Variants in WWC2 observed in about 807,000 individuals in gnomAD.
WWC2 encodes WW and C2 domain containing 2, also known as protein WWC2.
In WWC2, 101 loss-of-function variants were observed where a neutral mutation model predicts 138.5. That is an observed-to-expected ratio of 0.73 (90% CI 0.62 to 0.86). The LOEUF (loss-of-function observed/expected upper bound fraction) is 0.86, where lower values mean the gene tolerates loss of function less well. Ranked by LOEUF, WWC2 falls within the 40% of genes least tolerant of loss-of-function variation. WWC2 has a pLI of 0.00. For missense variants in WWC2, 1,420 were observed against 1,419.4 expected (o/e 1.00, Z -0.01); for synonymous variants, 558 against 538.4 (o/e 1.04, Z -0.50).
chr4:183,178,850 A>G (rs1734541090), intron 1 of WWC2, among the ~76,000 whole-genome samples: 1 of 152,248 alleles, frequency 6.6e-6, no homozygotes, highest in Non-Finnish European at 1.5e-5. Context: ...CAGGAGCTGC[A>G]TAGCAGGAAG....
At chr4:183,229,862 T>G (rs1019349577) in intron 4 of WWC2, among the ~76,000 whole-genome samples, 2 of 152,022 alleles carry the variant, frequency 1.3e-5, no homozygotes, top group East Asian at 3.9e-4. Context: ...GTCTCGCTCT[T>G]TCGCCAAGGC....
At chr4:183,105,238 A>G (rs1404489499) in intron 1 of WWC2, among the ~76,000 whole-genome samples, 4 of 152,230 alleles carry the variant, frequency 2.6e-5, no homozygotes, top group Non-Finnish European at 5.9e-5. Context: ...AGCTTCATCT[A>G]CATAGTCAGC....
intron 1 of WWC2, among the ~76,000 whole-genome samples, 154 bp from the exon 2 acceptor site, chr4:183,193,445 T>G (rs992408584): frequency 1.3e-5 from 2 of 152,190 alleles, no homozygotes; most frequent in Non-Finnish European, 2.9e-5. Context: ...CTTGTCCTAC[T>G]TTTTTGGATA....
intron 18 of WWC2, among the ~76,000 whole-genome samples, chr4:183,283,670 A>C (rs187451349): frequency 3.9e-5 from 6 of 152,236 alleles, no homozygotes; most frequent in Admixed American, 3.9e-4. Flanking sequence ...CTTAGGTTTT[A>C]TTTTTGTTAC....
intron 1 of WWC2, among the ~76,000 whole-genome samples, chr4:183,184,237 A>G (rs72701327): frequency 0.024 from 3,630 of 152,272 alleles, 70 homozygotes; most frequent in Non-Finnish European, 0.037. Context: ...CATATGTGAC[A>G]TTTTGTGCCT....
chr4:183,103,926 G>T (rs1227603456), intron 1 of WWC2, among the ~76,000 whole-genome samples: 2 of 152,028 alleles, frequency 1.3e-5, no homozygotes, highest in African/African-American at 4.8e-5. Context: ...GAGCCACCAC[G>T]CCCGGCCTGG....
chr4:183,276,159 G>A (rs1356599962), intron 16 of WWC2, among the ~76,000 whole-genome samples: 1 of 151,946 alleles, frequency 6.6e-6, no homozygotes. Flanking sequence ...GTTAGTGTTT[G>A]CATGATTTAT....
At chr4:183,123,470 G>A (rs1046099115) in intron 1 of WWC2, among the ~76,000 whole-genome samples, 1 of 148,582 alleles carries the variant, frequency 6.7e-6, no homozygotes, top group African/African-American at 2.5e-5. Flanking sequence ...CAAAACTAAG[G>A]CATATAGCAT....
chr4:183,162,558 C>G (rs1268321676), intron 1 of WWC2, among the ~76,000 whole-genome samples: 1 of 152,138 alleles, frequency 6.6e-6, no homozygotes, highest in Non-Finnish European at 1.5e-5. Flanking sequence ...AGTAGTATTC[C>G]CTTTACTCTT....
At chr4:183,197,461 A>C (rs1735175240) in intron 2 of WWC2, among the ~76,000 whole-genome samples, 1 of 152,248 alleles carries the variant, frequency 6.6e-6, no homozygotes, top group Non-Finnish European at 1.5e-5. Flanking sequence ...TGAAATAAGG[A>C]ATGTTTGGCT....
chr4:183,212,953 G>A (rs1735648229), intron 4 of WWC2, among the ~76,000 whole-genome samples: 2 of 152,036 alleles, frequency 1.3e-5, no homozygotes, highest in South Asian at 2.1e-4. Context: ...AAGATGAGTC[G>A]GAGAGAGACG....
chr4:183,103,205 G>A (rs934994225), intron 1 of WWC2, among the ~76,000 whole-genome samples: 4 of 151,946 alleles, frequency 2.6e-5, no homozygotes, highest in Non-Finnish European at 4.4e-5. Context: ...ATAATCTTGG[G>A]GGGTGGGGAG....
chr4:183,197,796 C>T (rs1278006077), intron 2 of WWC2, among the ~76,000 whole-genome samples: 5 of 152,000 alleles, frequency 3.3e-5, no homozygotes, highest in Non-Finnish European at 7.4e-5. Context: ...TGATTTTAAG[C>T]GTGTATTTTG....
At chr4:183,211,701 G>A (rs1735603141) in intron 4 of WWC2, among the ~76,000 whole-genome samples, 2 of 152,124 alleles carry the variant, frequency 1.3e-5, no homozygotes, top group Admixed American at 1.3e-4. Flanking sequence ...GCCCTTCTCT[G>A]TGTCTCAGGT....
At chr4:183,266,588 C>T (rs1737513262) in intron 14 of WWC2, among the ~76,000 whole-genome samples, 1 of 152,198 alleles carries the variant, frequency 6.6e-6, no homozygotes. Context: ...TTCACATTTT[C>T]TGACATCAGA....
chr4:183,105,440 T>C (rs1432786933), intron 1 of WWC2, among the ~76,000 whole-genome samples: 1 of 152,206 alleles, frequency 6.6e-6, no homozygotes, highest in African/African-American at 2.4e-5. Context: ...TAGAGGGGCA[T>C]GGCCAGCTTC....
chr4:183,234,186 C>T (rs1004620545), intron 4 of WWC2, among the ~76,000 whole-genome samples: 15 of 152,094 alleles, frequency 9.9e-5, no homozygotes, highest in African/African-American at 3.4e-4. Flanking sequence ...TCCTACTTAC[C>T]ACGTTTAATC....
At chr4:183,272,646 G>A (rs756199414) in intron 16 of WWC2, among the ~76,000 whole-genome samples, 2 of 152,030 alleles carry the variant, frequency 1.3e-5, no homozygotes, top group African/African-American at 2.4e-5. Context: ...CTACTACAAG[G>A]CAACCACTCA....
intron 4 of WWC2, among the ~76,000 whole-genome samples, chr4:183,234,613 T>C (rs746318008): frequency 6.6e-6 from 1 of 152,220 alleles, no homozygotes; most frequent in Non-Finnish European, 1.5e-5. Context: ...GGGTTCTAGA[T>C]AGACTGTGAT....
Sources: allele counts gnomAD v4.1 joint callset (sites outside exome capture counted in the v4.1 genomes callset), GRCh38; gene constraint gnomAD v4.1.1; transcripts MANE v1.5; gene names NCBI Gene and HGNC (gene_info 2026-07-23, HGNC 2026-07-21).